Variants in SEPSECS observed in about 807,000 individuals in gnomAD.
SEPSECS encodes Sep (O-phosphoserine) tRNA:Sec (selenocysteine) tRNA synthase.
In SEPSECS, 42 loss-of-function variants were observed where a neutral mutation model predicts 52.1. That is an observed-to-expected ratio of 0.81 (90% CI 0.63 to 1.04). The LOEUF is 1.04. SEPSECS is among the 50% of genes least tolerant of loss of function. SEPSECS has a pLI of 0.00. For synonymous variants in SEPSECS, 216 were observed against 211.4 expected (o/e 1.02, Z -0.19); for missense variants, 590 against 610.6 (o/e 0.97, Z 0.36).
intron 9 of SEPSECS, 37 bp downstream of exon 9, chr4:25,127,227 A>C (rs766999359): frequency 2.3e-6 from 3 of 1,328,494 alleles, no homozygotes; most frequent in African/African-American, 1.4e-5. Context: ...AGAGTGGATC[A>C]TAAGTATTTG....
At chr4:25,138,825 A>T (rs1728946956) in intron 8 of SEPSECS, among the ~76,000 whole-genome samples, 1 of 152,226 alleles carries the variant, frequency 6.6e-6, no homozygotes, top group Admixed American at 6.5e-5. Flanking sequence ...TTTTGTTAAA[A>T]ATGCAGTTGT....
intron 2 of SEPSECS, among the ~76,000 whole-genome samples, chr4:25,158,452 A>T (rs1307103049): frequency 6.6e-6 from 1 of 152,240 alleles, no homozygotes; most frequent in Non-Finnish European, 1.5e-5. Context: ...AATGCAAAAG[A>T]AAAAGGTCAC....
chr4:25,123,558 ATT>A lies in SEPSECS; in HGVS notation c.*371_*372del, dbSNP rs143987218. 1,588 of 243,008 alleles carry A rather than the reference ATT, an allele frequency of 6.5e-3. 29 individuals carry two copies. Among genetic ancestry groups the A allele is most frequent in the African/African-American group, 0.033 (1,466 of 44,204 alleles). 15.1% of individuals were successfully genotyped at this position (243,008 alleles called of 1,614,324 possible). On this transcript the variant is annotated 3_prime_UTR_variant, in exon 11 of 11. Transcript: ENST00000382103. ...CTAGTGGCCTAAGAGATCTTTCTCAATTCTGTGTGATCAGAAACGGTAAAGAA... is the reference window on the plus strand; with the variant it reads ...CTAGTGGCCTAAGAGATCTTTCTCAACTGTGTGATCAGAAACGGTAAAGAA...
chr4:25,146,299 A>G, intron 6 of SEPSECS, among the ~76,000 whole-genome samples: 1 of 152,216 alleles, frequency 6.6e-6, no homozygotes, highest in Non-Finnish European at 1.5e-5. Context: ...GATCCAGGCA[A>G]CAGGTGGAAG....
chr4:25,137,367 G>GA (rs945977744), intron 8 of SEPSECS, among the ~76,000 whole-genome samples: 9 of 151,932 alleles, frequency 5.9e-5, no homozygotes, highest in Admixed American at 1.3e-4. Flanking sequence ...AAATTTACAA[G>GA]AAAAAAAATC....
At chr4:25,155,426 T>C (rs1359176837) in intron 4 of SEPSECS, among the ~76,000 whole-genome samples, 1 of 152,188 alleles carries the variant, frequency 6.6e-6, no homozygotes, top group Non-Finnish European at 1.5e-5. Context: ...AAACAAATGT[T>C]AAATAGATAT....
chr4:25,159,110 TAA>T lies in SEPSECS; in HGVS notation c.115-5_115-4del, dbSNP rs34423002. The T allele has an allele frequency of 7.1e-4, 1,028 of 1,456,956 alleles. No homozygotes were observed. Among genetic ancestry groups the T allele is most frequent in the South Asian group, 8.5e-4 (65 of 76,424 alleles). The allele number at this position is 1,456,956 out of a possible 1,614,324, so 90.3% of individuals were successfully genotyped here. A position where few individuals can be genotyped will look rare whatever the true frequency, so the allele number is the denominator to read the frequency against. On this transcript the variant is annotated splice_region_variant and splice_polypyrimidine_tract_variant and intron_variant, in intron 1 of 10. Coordinates refer to ENST00000382103, the MANE Select transcript of SEPSECS (RefSeq NM_016955.4). ...CAGCCATTCTCTGGACACTTGCCCT[TAA>T]AAAAAAAAAAAAACTTATGATTATA...
At chr4:25,132,030 A>T (rs965802539) in intron 8 of SEPSECS, among the ~76,000 whole-genome samples, 9 of 152,086 alleles carry the variant, frequency 5.9e-5, no homozygotes, top group African/African-American at 2.2e-4. Context: ...TTCTCCCCTC[A>T]ATGAAGCAAA....
chr4:25,137,949 A>C, intron 8 of SEPSECS, among the ~76,000 whole-genome samples: 1 of 152,198 alleles, frequency 6.6e-6, no homozygotes, highest in East Asian at 1.9e-4. Flanking sequence ...TATCCTCAGC[A>C]AACTAAAGCA....
In SEPSECS at chr4:25,145,072, G is replaced by A. The variant is rs1308946680; in HGVS notation, c.866C>T (p.Pro289Leu). 3 of 1,613,680 alleles carry A rather than the reference G, an allele frequency of 1.9e-6. No individual in the cohort carries two copies. The highest frequency in any genetic ancestry group is 1.3e-5 in the African/African-American group (1 of 74,872). Residue 289 changes from proline to leucine, a missense_variant, in exon 7 of 11, where the codon CCA becomes CTA. Coordinates refer to ENST00000382103, the MANE Select transcript of SEPSECS (RefSeq NM_016955.4). ...VQSLDKNFMV[P>L]VGGAIIAGFN... ...GCCAGCAATTATAGCACCACCTACT[G>A]GAACCATAAAATTTTTGTCCAAGCT...
intron 8 of SEPSECS, among the ~76,000 whole-genome samples, chr4:25,136,775 GA>G (rs1728859877): frequency 6.6e-6 from 1 of 152,046 alleles, no homozygotes. Context: ...TAAGCAAAAA[GA>G]AAAAAGCTGG....
At chr4:25,129,207 T>C (rs1728511226) in intron 8 of SEPSECS, among the ~76,000 whole-genome samples, 1 of 152,180 alleles carries the variant, frequency 6.6e-6, no homozygotes, top group Non-Finnish European at 1.5e-5. Flanking sequence ...TATTAATAAA[T>C]GTTACTGCTA....
chr4:25,142,770 A>C (rs1452739622), intron 8 of SEPSECS, among the ~76,000 whole-genome samples: 1 of 152,224 alleles, frequency 6.6e-6, no homozygotes, highest in Non-Finnish European at 1.5e-5. Flanking sequence ...CAAAATGTCT[A>C]ATTTATATTA....
chr4:25,158,087 T>C (rs1289895123), intron 2 of SEPSECS, among the ~76,000 whole-genome samples: 3 of 152,176 alleles, frequency 2.0e-5, no homozygotes, highest in Non-Finnish European at 4.4e-5. Flanking sequence ...AGAAATTCGG[T>C]ATAGGAGGAT....
Position 25,156,947 on chromosome 4 carries a change from AC to A in SEPSECS, c.296del (p.Gly99ValfsTer16). On this transcript the variant is annotated frameshift_variant, in exon 3 of 11. Transcript: ENST00000382103. LOFTEE classifies it high-confidence loss of function. ...YRFIHGIGRS[G>X]DISAVQPKAA... ...CTTTTGGTTGCACAGCAGAAATATCACCGGATCGTCCAATGCCATGAATGAA... is the reference window on the plus strand; with the variant it reads ...CTTTTGGTTGCACAGCAGAAATATCACGGATCGTCCAATGCCATGAATGAA... The A allele has an allele frequency of 6.2e-7, 1 of 1,612,530 alleles. No individual in the cohort carries two copies. The highest frequency in any genetic ancestry group is 8.5e-7 in the Non-Finnish European group (1 of 1,178,646).
At chr4:25,136,598 T>C (rs1392748657) in intron 8 of SEPSECS, among the ~76,000 whole-genome samples, 1 of 152,146 alleles carries the variant, frequency 6.6e-6, no homozygotes, top group Non-Finnish European at 1.5e-5. Context: ...TTCCATATTA[T>C]GGATAGGAAG....
At chr4:25,159,921 G>C in intron 1 of SEPSECS, 1 of 985,346 alleles carries the variant, frequency 1.0e-6, no homozygotes, top group Non-Finnish European at 1.2e-6. Flanking sequence ...GTTGAGGGTT[G>C]GTGAAAGATG....
chr4:25,135,376 C>G (rs533492145), intron 8 of SEPSECS, among the ~76,000 whole-genome samples: 9 of 151,734 alleles, frequency 5.9e-5, no homozygotes, highest in African/African-American at 2.2e-4. Context: ...AAATGATAAA[C>G]GGGGTATCAC....
intron 8 of SEPSECS, among the ~76,000 whole-genome samples, chr4:25,127,972 T>C (rs1259017276): frequency 2.0e-5 from 3 of 152,196 alleles, no homozygotes; most frequent in African/African-American, 7.2e-5. Flanking sequence ...TCCCTGCATT[T>C]CCTAGATCAT....
Sources: allele counts gnomAD v4.1 joint callset (sites outside exome capture counted in the v4.1 genomes callset), GRCh38; gene constraint gnomAD v4.1.1; transcripts MANE v1.5; gene names NCBI Gene and HGNC (gene_info 2026-07-23, HGNC 2026-07-21).